The following CSMD2 variants were observed in gnomAD, a reference collection of about 807,000 sequenced individuals.
CSMD2 encodes the protein CUB and Sushi multiple domains 2.
A neutral mutation model predicts 398.5 loss-of-function variants in CSMD2; 130 were observed. That is an observed-to-expected ratio of 0.33 (90% CI 0.28 to 0.38). The LOEUF (loss-of-function observed/expected upper bound fraction) is 0.38. CSMD2 is among the 10% of genes least tolerant of loss of function. The pLI is 1.00. For missense variants in CSMD2, 3,829 were observed against 4,764.9 expected (o/e 0.80, Z 5.78); for synonymous variants, 1,828 against 1,908.5 (o/e 0.96, Z 1.10).
chr1:33,520,059 G>A, intron 68 of CSMD2, 109 bp from the exon 69 acceptor site: 1 of 1,312,574 alleles, frequency 7.6e-7, no homozygotes, highest in Non-Finnish European at 1.1e-6. Context: ...CACTCAGGGT[G>A]CTCCTCACTC....
chr1:34,008,996 G>C (rs889453286), intron 3 of CSMD2, among the ~76,000 whole-genome samples: 3 of 151,498 alleles, frequency 2.0e-5, no homozygotes, highest in African/African-American at 7.3e-5. Context: ...CATCCACTTT[G>C]CCTACCCCAT....
Position 33,768,536 on chromosome 1 carries a change from ATGTGTGTGTGTGTGTGTG to A in CSMD2, c.1846+4015_1846+4032del, listed in dbSNP as rs60273744. On this transcript the variant is annotated intron_variant, in intron 13 of 70. Transcript: ENST00000373381. ...AATTCATCCCGGAATGTGTGCGTGC[ATGTGTGTGTGTGTGTGTG>A]TGTGTGTGTGTGTGTGTGTGTGTGT... Among the ~76,000 whole-genome samples, 1,045 of 142,246 alleles carry A rather than the reference ATGTGTGTGTGTGTGTGTG, an allele frequency of 7.3e-3. 6 individuals are homozygous for A. The highest frequency in any genetic ancestry group is 0.014 in the Middle Eastern group (4 of 284). 93.3% of individuals were successfully genotyped at this position (142,246 alleles called of 152,430 possible). A position where few individuals can be genotyped will look rare whatever the true frequency, so the allele number is the denominator to read the frequency against.
At chr1:33,928,118 T>G (rs12075795) in intron 4 of CSMD2, among the ~76,000 whole-genome samples, 16,276 of 152,084 alleles carry the variant, frequency 0.11, 1,109 homozygotes, top group Middle Eastern at 0.21. Context: ...TCATTGTGAG[T>G]CTCCTGCTGT....
In CSMD2 at chr1:33,572,613, A is replaced by G; in HGVS notation, c.7655T>C (p.Met2552Thr). The G allele has an allele frequency of 6.2e-7, 1 of 1,613,988 alleles. No homozygotes were observed. The highest frequency in any genetic ancestry group is 8.5e-7 in the Non-Finnish European group (1 of 1,179,948). The stretch of plus-strand genomic sequence containing the variant: ...GTGGTAGCCTTCACTGCAGCTGTAC[A>G]TGGCCTTGGTTCCCACTGTGTACTC... ...GKEYTVGTKA[M>T]YSCSEGYHLQ... Residue 2552 changes from methionine (M) to threonine (T), a missense_variant, in exon 50 of 71, where the codon ATG becomes ACG. This residue lies in a region of CSMD2 where 723 missense variants were observed against 758.6 expected (regional missense o/e 0.95). Coordinates refer to ENST00000373381, the MANE Select transcript of CSMD2 (RefSeq NM_001281956.2).
chr1:33,963,977 A>G (rs2125403762), intron 3 of CSMD2, among the ~76,000 whole-genome samples: 1 of 152,314 alleles, frequency 6.6e-6, no homozygotes, highest in South Asian at 2.1e-4. Context: ...TTTTCAAGAA[A>G]CTGCCAAGCT....
At chr1:33,982,015 G>T (rs1646188621) in intron 3 of CSMD2, among the ~76,000 whole-genome samples, 3 of 152,202 alleles carry the variant, frequency 2.0e-5, no homozygotes, top group Admixed American at 1.3e-4. Flanking sequence ...GAGGGCATGG[G>T]TGAAGGCAGA....
At chr1:34,109,850 C>T (rs1660875041) in intron 1 of CSMD2, among the ~76,000 whole-genome samples, 1 of 151,436 alleles carries the variant, frequency 6.6e-6, no homozygotes, top group Non-Finnish European at 1.5e-5. Flanking sequence ...CCAGTCTGGC[C>T]AACATAGTGA....
At chr1:33,520,073 C>A in intron 68 of CSMD2, 123 bp from the exon 69 acceptor site, 1 of 1,156,984 alleles carries the variant, frequency 8.6e-7, no homozygotes, top group Non-Finnish European at 1.2e-6. Flanking sequence ...CTCACTCCTG[C>A]TCAGCACGGG....
rs532955909 is a variant in CSMD2, at chr1:34,082,485, T to C, written c.404+6492A>G. Reference sequence around the variant, plus strand: ...GCGCCCACGCCCGGCAGCCACCCTGTCTGGGAGGTGGGGGGCACCTCTGCC... The same window carrying C: ...GCGCCCACGCCCGGCAGCCACCCTGCCTGGGAGGTGGGGGGCACCTCTGCC... On this transcript the variant is annotated intron_variant, in intron 2 of 70. Coordinates refer to ENST00000373381, the MANE Select transcript of CSMD2 (RefSeq NM_001281956.2). Among the ~76,000 whole-genome samples, 1,027 of 151,258 alleles carry C rather than the reference T, an allele frequency of 6.8e-3. 6 individuals carry two copies. The highest frequency in any genetic ancestry group is 8.8e-3 in the Non-Finnish European group (598 of 67,762).
At chr1:33,727,173 T>C (rs1014390759) in intron 15 of CSMD2, among the ~76,000 whole-genome samples, 1 of 152,224 alleles carries the variant, frequency 6.6e-6, no homozygotes, top group African/African-American at 2.4e-5. Context: ...GTTACACAAC[T>C]GGGTATCCCC....
At chr1:34,099,557 T>C (rs918508009) in intron 1 of CSMD2, among the ~76,000 whole-genome samples, 4 of 152,282 alleles carry the variant, frequency 2.6e-5, no homozygotes, top group African/African-American at 9.6e-5. Flanking sequence ...TGGCATCTTC[T>C]GCTATAGAGA....
intron 5 of CSMD2, chr1:33,864,461 C>T (rs755420483): frequency 6.2e-7 from 1 of 1,613,738 alleles, no homozygotes; most frequent in East Asian, 2.2e-5. Context: ...AGCGGGATCC[C>T]CAGGAACCCA....
intron 47 of CSMD2, among the ~76,000 whole-genome samples, chr1:33,582,051 C>T (rs1244229214): frequency 6.6e-6 from 1 of 152,156 alleles, no homozygotes; most frequent in East Asian, 1.9e-4. Flanking sequence ...AGGTGAGGAG[C>T]TCCAGCCTTC....
intron 18 of CSMD2, 85 bp downstream of exon 18, chr1:33,724,431 G>T: frequency 6.5e-7 from 1 of 1,537,904 alleles, no homozygotes; most frequent in Admixed American, 1.7e-5. Flanking sequence ...GATGGGGTGA[G>T]GGAGTCAGTG....
In CSMD2 at chr1:33,537,091, C is replaced by T. The variant is rs199832735; in HGVS notation, c.9810G>A (p.Pro3270=). The T allele has an allele frequency of 8.4e-4, 1,354 of 1,614,104 alleles. 20 individuals carry two copies. The South Asian group carries it at 0.014, about 16-fold the overall frequency. ...CAGGGTCCGCACACGTGGTCAGGGTCGGATCTGGATGGCCAAAACAAAGAC... is the reference window on the plus strand; with the variant it reads ...CAGGGTCCGCACACGTGGTCAGGGTTGGATCTGGATGGCCAAAACAAAGAC... ...WSGTQPSCID[P]TLTTCADPGV... is the part of the protein sequence containing the mutation. Residue 3270 remains proline, a synonymous_variant, in exon 62 of 71, where the codon CCG becomes CCA. Coordinates refer to ENST00000373381, the MANE Select transcript of CSMD2 (RefSeq NM_001281956.2). The surrounding 1 kb of genome is among the most constrained non-coding windows in gnomAD (Gnocchi z 4.6).
chr1:33,781,259 T>C (rs1486438965), intron 12 of CSMD2, among the ~76,000 whole-genome samples: 1 of 152,250 alleles, frequency 6.6e-6, no homozygotes, highest in Non-Finnish European at 1.5e-5. Context: ...ACAAACTCTT[T>C]TTCATCCTTC....
intron 27 of CSMD2, among the ~76,000 whole-genome samples, chr1:33,655,937 T>C (rs995721446): frequency 6.6e-6 from 1 of 152,196 alleles, no homozygotes; most frequent in African/African-American, 2.4e-5. Context: ...CCTTCTCCAC[T>C]TGGGACAATC....
At chr1:33,696,491 C>T (rs1161945673) in intron 24 of CSMD2, among the ~76,000 whole-genome samples, 1 of 152,086 alleles carries the variant, frequency 6.6e-6, no homozygotes, top group Non-Finnish European at 1.5e-5. Context: ...GCTGAATGGA[C>T]CCATGGCAGG....
chr1:33,843,524 G>A (rs1485041164), intron 6 of CSMD2, among the ~76,000 whole-genome samples: 1 of 152,224 alleles, frequency 6.6e-6, no homozygotes, highest in Non-Finnish European at 1.5e-5. Context: ...GACTGTGGGT[G>A]AAACTGATCC....
Sources: allele counts gnomAD v4.1 joint callset (sites outside exome capture counted in the v4.1 genomes callset), GRCh38; gene constraint gnomAD v4.1.1; regional missense constraint gnomAD v4.1.1; non-coding constraint Gnocchi (gnomAD v3.1); transcripts MANE v1.5; gene names NCBI Gene and HGNC (gene_info 2026-07-23, HGNC 2026-07-21).